The following SNX25 variants were observed in gnomAD, a reference collection of about 807,000 sequenced individuals.
SNX25 encodes sorting nexin 25, also known as sorting nexin-25.
A neutral mutation model predicts 113.7 loss-of-function variants in SNX25; 62 were observed. That is an observed-to-expected ratio of 0.55 (90% CI 0.44 to 0.67). The LOEUF (loss-of-function observed/expected upper bound fraction) is 0.67, where lower values mean the gene tolerates loss of function less well. SNX25 is among the 30% of genes least tolerant of loss of function. The probability of loss-of-function intolerance (pLI) is 0.00; values close to 1 mark genes in which losing one functional copy is unlikely to be tolerated. For synonymous variants in SNX25, 421 were observed against 436.2 expected, an observed-to-expected ratio of 0.97 and a Z score of 0.43; for missense variants, 1,014 against 1,161.0, an observed-to-expected ratio of 0.87 and a Z score of 1.84.
At chr4:185,224,445 A>C (rs200862617) in intron 1 of SNX25, among the ~76,000 whole-genome samples, 13,318 of 83,442 alleles carry the variant, frequency 0.16, 762 homozygotes, top group Non-Finnish European at 0.19. Context: ...ATAGATATAT[A>C]AATATATATA....
chr4:185,240,716 C>T (rs1045360783), intron 1 of SNX25, among the ~76,000 whole-genome samples: 1 of 152,008 alleles, frequency 6.6e-6, no homozygotes, highest in Non-Finnish European at 1.5e-5. Flanking sequence ...CACCTCCCTC[C>T]CAGACGGGGT....
In SNX25 at chr4:185,258,832, T is replaced by A; in HGVS notation, c.515-16T>A. ...CTTTCATTTGTTTTACTCATTGCTTTGTTTATTCCTGGTAGTGTTCGACTA... is the reference window on the plus strand; with the variant it reads ...CTTTCATTTGTTTTACTCATTGCTTAGTTTATTCCTGGTAGTGTTCGACTA... On this transcript the variant is annotated splice_polypyrimidine_tract_variant and intron_variant, in intron 2 of 18. Transcript: ENST00000652585. 1 of 1,594,732 alleles carries A rather than the reference T, an allele frequency of 6.3e-7. No individual in the cohort carries two copies. The highest frequency in any genetic ancestry group is 8.6e-7 in the Non-Finnish European group (1 of 1,163,470).
upstream of SNX25, among the ~76,000 whole-genome samples, chr4:185,205,726 G>A (rs1253358067): frequency 6.6e-6 from 1 of 152,200 alleles, no homozygotes. Context: ...CTACTCAGGA[G>A]GCTGACGCAG....
intron 12 of SNX25, among the ~76,000 whole-genome samples, chr4:185,344,398 G>A (rs1245480682): frequency 6.6e-6 from 1 of 152,106 alleles, no homozygotes; most frequent in Non-Finnish European, 1.5e-5. Flanking sequence ...GCGCCACTGT[G>A]GCCAGAGGTG....
At chr4:185,299,715 T>G (rs1458237280) in intron 6 of SNX25, among the ~76,000 whole-genome samples, 1 of 152,238 alleles carries the variant, frequency 6.6e-6, no homozygotes, top group African/African-American at 2.4e-5. Context: ...GTAGGAATTC[T>G]AGTAGCTATG....
chr4:185,210,300 G>C lies in SNX25; in HGVS notation c.429+45G>C. 1 of 984,596 alleles carries C rather than the reference G, an allele frequency of 1.0e-6. No homozygotes were observed. The highest frequency in any genetic ancestry group is 1.2e-6 in the Non-Finnish European group (1 of 829,728). 61.0% of individuals were successfully genotyped at this position (984,596 alleles called of 1,614,324 possible). ...CCGCCCAGCTCCGCCGGCCCTCCCC[G>C]CTTCCGGTGCCAGCTCCCGCGCCCC... On this transcript the variant is annotated intron_variant, in intron 1 of 18. Transcript: ENST00000652585. This position sits in a 1 kb window ranked among gnomAD's most constrained non-coding sequence, Gnocchi z 4.4.
intron 11 of SNX25, 55 bp from the exon 12 acceptor site, chr4:185,341,921 T>C (rs571074839): frequency 6.5e-7 from 1 of 1,538,904 alleles, no homozygotes; most frequent in South Asian, 1.3e-5. Context: ...AGATCTTCCT[T>C]CTGCATCCAT....
rs1024819338 is a variant in SNX25, at chr4:185,259,038, C to T, written c.705C>T (p.Phe235=). ...NDVVRTLLTH[F]CDLKAANARH... Reference sequence around the variant, plus strand: ...TTGTGAGGACTTTACTCACTCATTTCTGTGACCTGAAAGCTGCCAATGCCA... The same window carrying T: ...TTGTGAGGACTTTACTCACTCATTTTTGTGACCTGAAAGCTGCCAATGCCA... Residue 235 remains phenylalanine, a synonymous_variant, in exon 3 of 19, where the codon TTC becomes TTT. Transcript: ENST00000652585. The T allele has an allele frequency of 6.2e-7, 1 of 1,614,090 alleles. No homozygotes were observed. Among genetic ancestry groups the T allele is most frequent in the Middle Eastern group, 1.6e-4 (1 of 6,062 alleles).
At chr4:185,328,013 G>C (rs1016170345) in intron 9 of SNX25, among the ~76,000 whole-genome samples, 1 of 152,148 alleles carries the variant, frequency 6.6e-6, no homozygotes, top group Non-Finnish European at 1.5e-5. Flanking sequence ...CTCGTGAACT[G>C]AAAGATCCCA....
At chr4:185,325,532 C>CAAAAAA (rs34665853) in intron 9 of SNX25, among the ~76,000 whole-genome samples, 1 of 111,664 alleles carries the variant, frequency 9.0e-6, no homozygotes. Flanking sequence ...GACTCCGTCT[C>CAAAAAA]AAAAAAAAAA....
intron 5 of SNX25, among the ~76,000 whole-genome samples, chr4:185,277,169 C>G (rs573455583): frequency 6.6e-6 from 1 of 152,090 alleles, no homozygotes; most frequent in Non-Finnish European, 1.5e-5. Context: ...GGATTACAGG[C>G]GTGTGCTACC....
chr4:185,315,483 A>G (rs932228401), intron 7 of SNX25, among the ~76,000 whole-genome samples: 12 of 151,894 alleles, frequency 7.9e-5, no homozygotes, highest in Admixed American at 7.9e-4. Context: ...TAGTAGAGAC[A>G]GGGCTTCACC....
the SNX25 span, chr4:185,378,034 A>G: frequency 1.4e-6 from 2 of 1,442,184 alleles, no homozygotes; most frequent in Non-Finnish European, 1.9e-6. Flanking sequence ...TGCAAAATGA[A>G]CTGTTAAAGT....
At chr4:185,351,672 C>G (rs1302558062) in intron 14 of SNX25, 63 bp downstream of exon 14, 2 of 1,535,240 alleles carry the variant, frequency 1.3e-6, no homozygotes, top group Admixed American at 3.6e-5. Context: ...AGCTCATGCT[C>G]CTCATGGGGG....
chr4:185,252,326 A>G (rs187974659), intron 2 of SNX25, among the ~76,000 whole-genome samples: 1 of 152,304 alleles, frequency 6.6e-6, no homozygotes, highest in Non-Finnish European at 1.5e-5. Context: ...TTTGATTTAC[A>G]TTTCTAAACC....
At chr4:185,342,262 C>T in intron 12 of SNX25, 146 bp downstream of exon 12, 1 of 961,210 alleles carries the variant, frequency 1.0e-6, no homozygotes, top group Non-Finnish European at 1.4e-6. Flanking sequence ...GAAATTTACT[C>T]ATAGATCAAA....
At chr4:185,345,419 G>A (rs1355517092) in intron 12 of SNX25, among the ~76,000 whole-genome samples, 1 of 152,160 alleles carries the variant, frequency 6.6e-6, no homozygotes, top group African/African-American at 2.4e-5. Context: ...GTAGAAGGGA[G>A]GACTTAATCC....
chr4:185,216,055 C>T (rs535483326), intron 1 of SNX25, among the ~76,000 whole-genome samples: 1 of 152,240 alleles, frequency 6.6e-6, no homozygotes, highest in South Asian at 2.1e-4. Flanking sequence ...TCTTGGCCTC[C>T]CAAAGTGCTG....
chr4:185,296,715 A>G (rs577846947), intron 6 of SNX25, among the ~76,000 whole-genome samples: 19 of 152,306 alleles, frequency 1.2e-4, no homozygotes, highest in African/African-American at 4.3e-4. Flanking sequence ...TTAGAGGGAA[A>G]GCTTTTACAG....
Sources: allele counts gnomAD v4.1 joint callset (sites outside exome capture counted in the v4.1 genomes callset), GRCh38; gene constraint gnomAD v4.1.1; non-coding constraint Gnocchi (gnomAD v3.1); transcripts MANE v1.5; gene names NCBI Gene and HGNC (gene_info 2026-07-23, HGNC 2026-07-21).